The following TBXAS1 variants were observed in gnomAD, a reference collection of about 807,000 sequenced individuals.
TBXAS1 encodes thromboxane-A synthase.
Under a neutral mutation model 60.7 loss-of-function variants are expected in TBXAS1, and 48 were observed. That is an observed-to-expected ratio of 0.79 (90% CI 0.63 to 1.01). The LOEUF (loss-of-function observed/expected upper bound fraction) is 1.01, where lower values mean the gene tolerates loss of function less well. TBXAS1 is among the 50% of genes least tolerant of loss of function. The pLI is 0.00. For synonymous variants in TBXAS1, 287 were observed against 269.7 expected (o/e 1.06, Z -0.63); for missense variants, 685 against 686.3 (o/e 1.00, Z 0.02).
At chr7:139,878,711 A>C (rs143417508) in intron 3 of TBXAS1, among the ~76,000 whole-genome samples, 12 of 152,370 alleles carry the variant, frequency 7.9e-5, no homozygotes, top group African/African-American at 2.2e-4. Context: ...GACTATGCTC[A>C]ATGAACAGCA....
chr7:140,012,922 A>G (rs1187846232), intron 10 of TBXAS1, among the ~76,000 whole-genome samples: 2 of 152,176 alleles, frequency 1.3e-5, no homozygotes, highest in Non-Finnish European at 2.9e-5. Flanking sequence ...CAGGAACTCA[A>G]AGCCAGCAGA....
Position 139,852,933 on chromosome 7 carries a change from A to AACAC in TBXAS1, c.90-19301_90-19300insCACA, listed in dbSNP as rs1165152546. On this transcript the variant is annotated intron_variant, in intron 1 of 12. Transcript: ENST00000448866. The surrounding 1 kb of genome is among the most constrained non-coding windows in gnomAD (Gnocchi z 4.4). ...CCTGTGTACCAACCTTGGCTACTCC[A>AACAC]ATACACACACACACACACACACACA... 8.5e-6 allele frequency among the ~76,000 whole-genome samples: 1 copy of AACAC among 118,102 alleles called. No homozygotes were observed. The highest frequency in any genetic ancestry group is 1.7e-5 in the Non-Finnish European group (1 of 57,308). 77.5% of individuals were successfully genotyped at this position (118,102 alleles called of 152,430 possible). A position where few individuals can be genotyped will look rare whatever the true frequency, so the allele number is the denominator to read the frequency against.
At chr7:139,854,957 C>T (rs1041437750) in intron 1 of TBXAS1, among the ~76,000 whole-genome samples, 1 of 152,148 alleles carries the variant, frequency 6.6e-6, no homozygotes, top group African/African-American at 2.4e-5. Context: ...CCGCATCCTG[C>T]TCATTGGCTT....
In TBXAS1 at chr7:140,004,471, C is replaced by A. The variant is rs1813907974; in HGVS notation, c.1135-2620C>A. On this transcript the variant is annotated intron_variant, in intron 9 of 12. Transcript: ENST00000448866. The surrounding 1 kb of genome is among the most constrained non-coding windows in gnomAD (Gnocchi z 5.1). ...AGAGCGTTTAACTTATATGCAGAAC[C>A]ACTGAAATTACACAATTGGTGTTTG... Among the ~76,000 whole-genome samples the A allele has an allele frequency of 6.6e-6, 1 of 152,182 alleles. No homozygotes were observed. The highest frequency in any genetic ancestry group is 6.5e-5 in the Admixed American group (1 of 15,278).
chr7:139,929,977 G>T (rs1426783444), intron 4 of TBXAS1, among the ~76,000 whole-genome samples: 3 of 152,154 alleles, frequency 2.0e-5, no homozygotes, highest in African/African-American at 4.8e-5. Flanking sequence ...ATGACTACCT[G>T]TGTCTTGTGG....
intron 10 of TBXAS1, among the ~76,000 whole-genome samples, chr7:140,010,218 G>A (rs1814505248): frequency 6.6e-6 from 1 of 152,128 alleles, no homozygotes; most frequent in Admixed American, 6.5e-5. Context: ...ACCCAGACCA[G>A]AGGACAATCT....
intron 9 of TBXAS1, among the ~76,000 whole-genome samples, chr7:139,986,795 G>GTATA (rs1812520590): frequency 7.2e-5 from 3 of 41,654 alleles, no homozygotes; most frequent in African/African-American, 2.7e-4. Context: ...GTGTGTGTGT[G>GTATA]TGTGTATATA....
intron 10 of TBXAS1, among the ~76,000 whole-genome samples, chr7:140,009,665 T>TGCCCCACACCCACC (rs1814398130): frequency 1.1e-4 from 1 of 9,442 alleles, no homozygotes; most frequent in African/African-American, 4.6e-4. Context: ...CCACACCCGC[T>TGCCCCACACCCACC]CCACACCTGC....
chr7:139,979,285 G>A (rs559435756), intron 9 of TBXAS1, among the ~76,000 whole-genome samples: 2 of 152,138 alleles, frequency 1.3e-5, no homozygotes, highest in South Asian at 4.2e-4. Context: ...AATCCCTAAC[G>A]ACATTAGAGC....
chr7:139,858,766 C>G (rs1800759808), intron 1 of TBXAS1, among the ~76,000 whole-genome samples: 1 of 152,216 alleles, frequency 6.6e-6, no homozygotes, highest in Non-Finnish European at 1.5e-5. Flanking sequence ...GTCTTCTTGG[C>G]AGTGTCCCAT....
intron 5 of TBXAS1, among the ~76,000 whole-genome samples, chr7:139,952,333 T>C (rs1385345977): frequency 6.6e-6 from 1 of 152,210 alleles, no homozygotes; most frequent in East Asian, 1.9e-4. Context: ...CAGGCGCTGT[T>C]CTAGGTGCTG....
At chr7:139,835,065 C>CTTTTT (rs142060008) in intron 1 of TBXAS1, among the ~76,000 whole-genome samples, 1 of 132,054 alleles carries the variant, frequency 7.6e-6, no homozygotes, top group African/African-American at 2.9e-5. Context: ...TACTAAAATT[C>CTTTTT]TTTTTTTTTT....
At chr7:139,779,736 C>T (rs542169253) in intron 1 of TBXAS1, among the ~76,000 whole-genome samples, 38 of 152,312 alleles carry the variant, frequency 2.5e-4, no homozygotes, top group African/African-American at 8.9e-4. Flanking sequence ...CCTCTAAGGA[C>T]TCAACCTCTG....
chr7:139,942,218 C>A (rs537670297), intron 5 of TBXAS1, among the ~76,000 whole-genome samples: 1 of 152,278 alleles, frequency 6.6e-6, no homozygotes, highest in African/African-American at 2.4e-5. Flanking sequence ...ACCGAAAAGG[C>A]CCCATAGTCA....
intron 1 of TBXAS1, among the ~76,000 whole-genome samples, chr7:139,844,602 C>G (rs1799681941): frequency 6.6e-6 from 1 of 152,192 alleles, no homozygotes; most frequent in African/African-American, 2.4e-5. Flanking sequence ...TTACATTAGG[C>G]TCTTTGAAAT....
chr7:139,923,693 G>A (rs996485742), intron 4 of TBXAS1, among the ~76,000 whole-genome samples: 2 of 151,954 alleles, frequency 1.3e-5, no homozygotes, highest in Non-Finnish European at 2.9e-5. Flanking sequence ...TTTAAAACCT[G>A]CAATTAAATT....
At chr7:139,871,049 C>T (rs1050449338) in intron 1 of TBXAS1, among the ~76,000 whole-genome samples, 1 of 152,164 alleles carries the variant, frequency 6.6e-6, no homozygotes, top group African/African-American at 2.4e-5. Flanking sequence ...CCACTGCACT[C>T]CAGCCTGGGT....
intron 5 of TBXAS1, among the ~76,000 whole-genome samples, chr7:139,946,394 C>G (rs1255612986): frequency 6.6e-6 from 1 of 152,140 alleles, no homozygotes; most frequent in African/African-American, 2.4e-5. Context: ...TTTAGTACAC[C>G]TGGGTGTCAG....
intron 4 of TBXAS1, among the ~76,000 whole-genome samples, chr7:139,810,126 T>G (rs904958921): frequency 2.0e-5 from 3 of 150,282 alleles, no homozygotes; most frequent in African/African-American, 7.4e-5. Flanking sequence ...AACCTCTGTT[T>G]CACGGGCTCA....
Sources: allele counts gnomAD v4.1 joint callset (sites outside exome capture counted in the v4.1 genomes callset), GRCh38; gene constraint gnomAD v4.1.1; non-coding constraint Gnocchi (gnomAD v3.1); transcripts MANE v1.5; gene names NCBI Gene and HGNC (gene_info 2026-07-23, HGNC 2026-07-21).